Variants in MYO5B observed in about 807,000 individuals in gnomAD.
The protein encoded by MYO5B is myosin VB.
A neutral mutation model predicts 229.3 loss-of-function variants in MYO5B; 143 were observed. The observed-to-expected ratio is 0.62, with a 90% confidence interval of 0.54 to 0.72. The LOEUF (loss-of-function observed/expected upper bound fraction) is 0.72. Ranked by LOEUF, MYO5B falls within the 30% of genes least tolerant of loss-of-function variation. The probability of loss-of-function intolerance (pLI) is 0.00; values close to 1 mark genes in which losing one functional copy is unlikely to be tolerated. For synonymous variants in MYO5B, 918 were observed against 885.2 expected, an observed-to-expected ratio of 1.04 and a Z score of -0.66; for missense variants, 2,321 against 2,331.0, an observed-to-expected ratio of 1.00 and a Z score of 0.09.
chr18:49,945,283 C>T (rs563794165), intron 14 of MYO5B, among the ~76,000 whole-genome samples: 10 of 152,288 alleles, frequency 6.6e-5, no homozygotes, highest in African/African-American at 2.4e-4. Context: ...TTCACAATTC[C>T]AGCTCGCTCT....
At chr18:50,037,607 G>A (rs990096696) in intron 3 of MYO5B, among the ~76,000 whole-genome samples, 1 of 152,162 alleles carries the variant, frequency 6.6e-6, no homozygotes, top group Non-Finnish European at 1.5e-5. Context: ...GATGAATTGT[G>A]CGAGGGAAAA....
chr18:49,853,132 C>T (rs2024220613), intron 31 of MYO5B, among the ~76,000 whole-genome samples: 2 of 152,226 alleles, frequency 1.3e-5, no homozygotes, highest in African/African-American at 4.8e-5. Flanking sequence ...GGGACTGAGT[C>T]TTGAGGAGTC....
At chr18:50,140,683 G>A (rs1435204131) in intron 1 of MYO5B, among the ~76,000 whole-genome samples, 1 of 152,154 alleles carries the variant, frequency 6.6e-6, no homozygotes, top group Admixed American at 6.5e-5. Context: ...AATTCCAGAA[G>A]AGCCTTGAAG....
chr18:49,884,867 G>A (rs1179277024), intron 22 of MYO5B, among the ~76,000 whole-genome samples: 1 of 152,096 alleles, frequency 6.6e-6, no homozygotes, highest in Non-Finnish European at 1.5e-5. Context: ...ATATACAAAT[G>A]GCCGATAAAC....
intron 14 of MYO5B, among the ~76,000 whole-genome samples, chr18:49,941,234 A>G (rs775792289): frequency 5.9e-5 from 9 of 152,214 alleles, no homozygotes; most frequent in Non-Finnish European, 1.0e-4. Flanking sequence ...GCATGCAAAT[A>G]AAAGTTGCAG....
At chr18:50,159,955 G>A (rs1195605615) in intron 1 of MYO5B, among the ~76,000 whole-genome samples, 6 of 152,158 alleles carry the variant, frequency 3.9e-5, no homozygotes, top group Non-Finnish European at 7.3e-5. Flanking sequence ...GCACACAGAC[G>A]CTCCACATGA....
chr18:50,000,925 A>T (rs1428366712), intron 5 of MYO5B, among the ~76,000 whole-genome samples: 1 of 152,200 alleles, frequency 6.6e-6, no homozygotes, highest in Non-Finnish European at 1.5e-5. Context: ...TTTCGGTGGA[A>T]CACTGATTTC....
chr18:50,070,370 C>G (rs950399808), intron 1 of MYO5B, among the ~76,000 whole-genome samples: 1 of 152,082 alleles, frequency 6.6e-6, no homozygotes, highest in Non-Finnish European at 1.5e-5. Context: ...TGTTCCCACT[C>G]CAACTGATTT....
intron 33 of MYO5B, 91 bp from the exon 34 acceptor site, chr18:49,843,483 A>G (rs144286469): frequency 4.4e-4 from 639 of 1,455,828 alleles, no homozygotes; most frequent in Middle Eastern, 8.7e-4. Context: ...CGTGTTTTCA[A>G]TATTTCCCCA....
intron 17 of MYO5B, among the ~76,000 whole-genome samples, chr18:49,920,708 C>T (rs1391555467): frequency 2.0e-5 from 3 of 152,194 alleles, no homozygotes; most frequent in East Asian, 1.9e-4. Context: ...GGGGGCAACA[C>T]ATGCCTTCAG....
chr18:49,876,818 G>T (rs1218396272), intron 25 of MYO5B, among the ~76,000 whole-genome samples: 1 of 152,220 alleles, frequency 6.6e-6, no homozygotes, highest in Non-Finnish European at 1.5e-5. Context: ...ACAGAGAGGA[G>T]ACCTTCAGTT....
At chr18:49,954,231 A>T (rs907774727) in intron 13 of MYO5B, 82 bp downstream of exon 13, 18 of 1,586,786 alleles carry the variant, frequency 1.1e-5, no homozygotes, top group East Asian at 2.2e-5. Context: ...GAAGGGACAG[A>T]TTTCTCTCTA....
intron 35 of MYO5B, 189 bp from the exon 36 acceptor site, chr18:49,839,483 G>T: frequency 1.5e-6 from 1 of 654,298 alleles, no homozygotes; most frequent in East Asian, 2.8e-5. Flanking sequence ...TGAACTTGAA[G>T]GATGTAGAAA....
At chr18:49,973,405 C>T (rs1026301530) in intron 10 of MYO5B, among the ~76,000 whole-genome samples, 1 of 152,180 alleles carries the variant, frequency 6.6e-6, no homozygotes, top group Admixed American at 6.5e-5. Flanking sequence ...CGGGTGAGTT[C>T]TAGCCTGCTA....
At chr18:49,916,863 A>G (rs1404422245) in intron 17 of MYO5B, among the ~76,000 whole-genome samples, 1 of 152,234 alleles carries the variant, frequency 6.6e-6, no homozygotes, top group Admixed American at 6.5e-5. Flanking sequence ...AACTCTCCCA[A>G]GAAAGGCTCC....
At chr18:49,847,994 T>C (rs1223896588) in intron 32 of MYO5B, among the ~76,000 whole-genome samples, 1 of 152,218 alleles carries the variant, frequency 6.6e-6, no homozygotes, top group African/African-American at 2.4e-5. Flanking sequence ...AAAGGCCTGG[T>C]CAACCCTCAC....
chr18:49,936,226 C>G (rs1428689781), intron 16 of MYO5B, 26 bp downstream of exon 16: 1 of 1,551,360 alleles, frequency 6.4e-7, no homozygotes, highest in East Asian at 2.3e-5. Context: ...CTGGGCTGGA[C>G]AGGCTAATGC....
intron 10 of MYO5B, among the ~76,000 whole-genome samples, chr18:49,968,972 A>C (rs550729472): frequency 5.3e-5 from 8 of 152,236 alleles, no homozygotes; most frequent in Non-Finnish European, 1.0e-4. Flanking sequence ...GGGCCACCTC[A>C]GAACAATTCG....
At chr18:50,094,746 G>A (rs61143368) in intron 1 of MYO5B, among the ~76,000 whole-genome samples, 22,162 of 152,158 alleles carry the variant, frequency 0.15, 1,694 homozygotes, top group East Asian at 0.23. Context: ...ACACACTGAT[G>A]TGGTCCTGAC....
Sources: allele counts gnomAD v4.1 joint callset (sites outside exome capture counted in the v4.1 genomes callset), GRCh38; gene constraint gnomAD v4.1.1; transcripts MANE v1.5; gene names NCBI Gene and HGNC (gene_info 2026-07-23, HGNC 2026-07-21).